Variants in SKAP1 observed in about 807,000 individuals in gnomAD.
The protein encoded by SKAP1 is src kinase associated phosphoprotein 1.
In SKAP1, 44 loss-of-function variants were observed where a neutral mutation model predicts 58.5. The observed-to-expected ratio is 0.75, with a 90% CI of 0.59 to 0.97. SKAP1 has a LOEUF of 0.97. SKAP1 is among the 50% of genes least tolerant of loss of function. The pLI, the probability that SKAP1 is intolerant of heterozygous loss-of-function variation, is 0.00. For synonymous variants in SKAP1, 127 were observed against 149.7 expected (o/e 0.85, Z 1.11); for missense variants, 390 against 435.2 (o/e 0.90, Z 0.92).
intron 4 of SKAP1, among the ~76,000 whole-genome samples, chr17:48,264,253 C>T (rs1376479732): frequency 6.6e-6 from 1 of 151,366 alleles, no homozygotes; most frequent in Non-Finnish European, 1.5e-5. Flanking sequence ...TATGTTTATA[C>T]ATATATATAT....
chr17:48,212,875 C>T (rs2064890763), intron 4 of SKAP1, among the ~76,000 whole-genome samples: 1 of 152,118 alleles, frequency 6.6e-6, no homozygotes, highest in African/African-American at 2.4e-5. Context: ...CGAAGGTGAC[C>T]TGGTGCTAAG....
chr17:48,363,944 T>C (rs542809081), intron 2 of SKAP1, 130 bp from the exon 3 acceptor site: 5 of 545,738 alleles, frequency 9.2e-6, no homozygotes, highest in East Asian at 6.1e-5. Flanking sequence ...AAGTCACTAC[T>C]AATTTTGAGA....
At chr17:48,326,792 G>C (rs1403305004) in intron 4 of SKAP1, among the ~76,000 whole-genome samples, 1 of 151,858 alleles carries the variant, frequency 6.6e-6, no homozygotes, top group Non-Finnish European at 1.5e-5. Flanking sequence ...AGAATACTGG[G>C]AATTTATTAT....
intron 4 of SKAP1, among the ~76,000 whole-genome samples, chr17:48,280,018 G>C (rs1399432962): frequency 6.6e-6 from 1 of 152,064 alleles, no homozygotes; most frequent in African/African-American, 2.4e-5. Flanking sequence ...ATTTCTCATG[G>C]AAAGAACTCA....
intron 1 of SKAP1, among the ~76,000 whole-genome samples, chr17:48,429,301 C>T (rs1306574405): frequency 1.3e-5 from 2 of 152,192 alleles, no homozygotes; most frequent in African/African-American, 4.8e-5. Context: ...GATGAAACTG[C>T]CCGTTAGCAA....
chr17:48,230,995 G>C (rs1054469255), intron 4 of SKAP1, among the ~76,000 whole-genome samples: 4 of 152,200 alleles, frequency 2.6e-5, no homozygotes, highest in African/African-American at 9.7e-5. Flanking sequence ...ATGTGATACA[G>C]ATGATGAAGA....
At chr17:48,288,448 G>A (rs1202552079) in intron 4 of SKAP1, among the ~76,000 whole-genome samples, 1 of 152,326 alleles carries the variant, frequency 6.6e-6, no homozygotes, top group East Asian at 1.9e-4. Flanking sequence ...CAATTTGGGA[G>A]GCCAACGTGG....
chr17:48,354,412 G>A (rs2066848348), intron 3 of SKAP1, among the ~76,000 whole-genome samples: 1 of 152,168 alleles, frequency 6.6e-6, no homozygotes, highest in Non-Finnish European at 1.5e-5. Context: ...ACTAACACAA[G>A]TAAAGTGCAT....
At chr17:48,409,402 C>T (rs563749043) in intron 1 of SKAP1, among the ~76,000 whole-genome samples, 4 of 152,296 alleles carry the variant, frequency 2.6e-5, no homozygotes, top group Admixed American at 1.3e-4. Context: ...TGGTGGCTCA[C>T]GCCTACAATC....
At chr17:48,330,427 A>G (rs2066490524) in intron 4 of SKAP1, among the ~76,000 whole-genome samples, 1 of 152,248 alleles carries the variant, frequency 6.6e-6, no homozygotes. Context: ...CAAAGGTTGC[A>G]GCTTAAAATT....
At chr17:48,374,956 T>C (rs942594796) in intron 2 of SKAP1, among the ~76,000 whole-genome samples, 2 of 152,192 alleles carry the variant, frequency 1.3e-5, no homozygotes, top group Non-Finnish European at 2.9e-5. Context: ...TGGTGATCCT[T>C]CTAGTCCCAA....
chr17:48,224,857 T>G (rs961053986), intron 4 of SKAP1, among the ~76,000 whole-genome samples: 1 of 152,294 alleles, frequency 6.6e-6, no homozygotes, highest in African/African-American at 2.4e-5. Flanking sequence ...ATACATATAA[T>G]GTGGCCATAT....
intron 1 of SKAP1, among the ~76,000 whole-genome samples, chr17:48,418,334 T>C (rs2067756357): frequency 6.6e-6 from 1 of 152,190 alleles, no homozygotes; most frequent in Non-Finnish European, 1.5e-5. Flanking sequence ...AAATATTCTA[T>C]ATACTTCTAT....
At chr17:48,336,885 C>T (rs1329799567) in intron 4 of SKAP1, among the ~76,000 whole-genome samples, 1 of 152,040 alleles carries the variant, frequency 6.6e-6, no homozygotes, top group Non-Finnish European at 1.5e-5. Flanking sequence ...TTCTAGTTAA[C>T]CCTATGTTTT....
At chr17:48,257,628 C>CTTTTTTTTT (rs56225931) in intron 4 of SKAP1, among the ~76,000 whole-genome samples, 215 of 111,070 alleles carry the variant, frequency 1.9e-3, no homozygotes, top group African/African-American at 2.7e-3. Context: ...TTCTTTCTTT[C>CTTTTTTTTT]TTTTTTTTTT....
At chr17:48,165,740 C>T (rs988912737) in intron 10 of SKAP1, among the ~76,000 whole-genome samples, 8 of 152,052 alleles carry the variant, frequency 5.3e-5, no homozygotes, top group African/African-American at 1.7e-4. Context: ...ACTGAGAGCC[C>T]AAGGGTGAGG....
At chr17:48,138,871 A>G (rs1041051400) in intron 11 of SKAP1, among the ~76,000 whole-genome samples, 8 of 150,214 alleles carry the variant, frequency 5.3e-5, no homozygotes, top group African/African-American at 2.0e-4. Flanking sequence ...TTTTGAAAGA[A>G]GTAAAATTAG....
chr17:48,239,840 GAGAGAGAGAC>G (rs1018242572), intron 4 of SKAP1, among the ~76,000 whole-genome samples: 1 of 99,372 alleles, frequency 1.0e-5, no homozygotes, highest in African/African-American at 3.0e-5. Flanking sequence ...GAGAGAGAGA[GAGAGAGAGAC>G]AGAGAGAGAG....
intron 4 of SKAP1, among the ~76,000 whole-genome samples, chr17:48,318,003 T>G (rs578229514): frequency 6.4e-4 from 98 of 152,256 alleles, no homozygotes; most frequent in African/African-American, 2.3e-3. Flanking sequence ...GAAAGTGTAA[T>G]ACTGTAAAAA....
Sources: allele counts gnomAD v4.1 joint callset (sites outside exome capture counted in the v4.1 genomes callset), GRCh38; gene constraint gnomAD v4.1.1; transcripts MANE v1.5; gene names NCBI Gene and HGNC (gene_info 2026-07-23, HGNC 2026-07-21).